ARL14EPL: variants seen among roughly 807,000 people sequenced by gnomAD.
The protein encoded by ARL14EPL is ARL14 effector protein-like.
Under a neutral mutation model 15.9 loss-of-function variants are expected in ARL14EPL, and 17 were observed. The observed-to-expected ratio is 1.07, with a 90% CI of 0.73 to 1.60. The LOEUF (loss-of-function observed/expected upper bound fraction) is 1.60. Ranked by LOEUF, ARL14EPL falls within the 40% of genes most tolerant of loss-of-function variation. The probability of loss-of-function intolerance (pLI) is 0.00; values close to 1 mark genes in which losing one functional copy is unlikely to be tolerated. For missense variants in ARL14EPL, 214 were observed against 185.9 expected, an observed-to-expected ratio of 1.15 and a Z score of -0.88; for synonymous variants, 78 against 63.8, an observed-to-expected ratio of 1.22 and a Z score of -1.06.
chr5:116,055,588 C>T (rs17138745), intron 3 of ARL14EPL, among the ~76,000 whole-genome samples: 1 of 151,946 alleles, frequency 6.6e-6, no homozygotes, highest in Admixed American at 6.5e-5. Context: ...GGGATACCTA[C>T]ATATGTGTCA....
chr5:116,045,776 GTGTGTA>G (rs778995485), intron 1 of ARL14EPL, among the ~76,000 whole-genome samples: 13,871 of 137,696 alleles, frequency 0.1, 648 homozygotes, highest in Non-Finnish European at 0.11. Context: ...GTGTGTGTGT[GTGTGTA>G]TGTGTACGAA....
chr5:116,051,170 CAGAG>C (rs1479621412), intron 1 of ARL14EPL: 15 of 261,406 alleles, frequency 5.7e-5, no homozygotes, highest in Non-Finnish European at 1.0e-4. Flanking sequence ...TCTAAAAACT[CAGAG>C]TCTTCTTAAT....
chr5:116,046,967 T>C (rs1749278863), intron 1 of ARL14EPL, among the ~76,000 whole-genome samples: 1 of 152,138 alleles, frequency 6.6e-6, no homozygotes, highest in Non-Finnish European at 1.5e-5. Flanking sequence ...TTTCTCTGTG[T>C]GCATACCAAG....
In ARL14EPL at chr5:116,041,975, T is replaced by G. The variant is rs575824792; in HGVS notation, c.-10+9470T>G. Among the ~76,000 whole-genome samples the G allele has an allele frequency of 4.7e-4, 72 of 152,232 alleles. No homozygotes were observed. The East Asian group carries it at 0.012, about 26-fold the overall frequency. ...TCCTGAGTAGCTGGGATTACAGGCA[T>G]GAGCCACTATGCTCGGCTAATTTTT... On this transcript the variant is annotated intron_variant, in intron 1 of 3. Coordinates refer to ENST00000686077, the MANE Select transcript of ARL14EPL (RefSeq NM_001195581.2).
At chr5:116,051,873 G>T in intron 2 of ARL14EPL, 1 of 1,255,664 alleles carries the variant, frequency 8.0e-7, no homozygotes, top group Non-Finnish European at 1.1e-6. Flanking sequence ...ATTTAATAAA[G>T]TTTTATTTTT....
chr5:116,034,887 T>C (rs1477131712), intron 1 of ARL14EPL, among the ~76,000 whole-genome samples: 1 of 152,216 alleles, frequency 6.6e-6, no homozygotes, highest in Non-Finnish European at 1.5e-5. Context: ...CCCCAAGTTA[T>C]AGCTCAGGAA....
chr5:116,049,719 A>C (rs10060276), intron 1 of ARL14EPL, among the ~76,000 whole-genome samples: 1 of 152,086 alleles, frequency 6.6e-6, no homozygotes, highest in Non-Finnish European at 1.5e-5. Flanking sequence ...AAGGACCATA[A>C]AAGAGAGATA....
intron 3 of ARL14EPL, among the ~76,000 whole-genome samples, chr5:116,057,801 T>C (rs1383899087): frequency 6.6e-6 from 1 of 152,154 alleles, no homozygotes; most frequent in Non-Finnish European, 1.5e-5. Flanking sequence ...TGTGCCTGCT[T>C]AGGGACAAAG....
intron 1 of ARL14EPL, among the ~76,000 whole-genome samples, chr5:116,038,175 A>G (rs771960558): frequency 2.0e-5 from 3 of 152,186 alleles, no homozygotes; most frequent in Non-Finnish European, 4.4e-5. Context: ...TGTGCCATTG[A>G]TCCTTTCTAT....
At chr5:116,042,869 A>C (rs529369407) in intron 1 of ARL14EPL, among the ~76,000 whole-genome samples, 1 of 152,276 alleles carries the variant, frequency 6.6e-6, no homozygotes, top group South Asian at 2.1e-4. Flanking sequence ...GTATCCTATA[A>C]ATACTCTTTG....
At chr5:116,043,995 C>T (rs1301370816) in intron 1 of ARL14EPL, among the ~76,000 whole-genome samples, 1 of 152,120 alleles carries the variant, frequency 6.6e-6, no homozygotes, top group East Asian at 1.9e-4. Context: ...TTTTTACAAG[C>T]TTTGCATTTT....
At position 116,052,674 on chromosome 5, in the gene ARL14EPL, GT is replaced by G. The variant is rs544636674; in HGVS notation, c.96+1116del. ...CTAATGCAGAACAGTTTAAGGTTAA[GT>G]TTATGAAACAACCATATACACCAAG... On this transcript the variant is annotated intron_variant, in intron 2 of 3. Coordinates refer to ENST00000686077, the MANE Select transcript of ARL14EPL (RefSeq NM_001195581.2). Among the ~76,000 whole-genome samples the G allele has an allele frequency of 5.2e-5, 4 of 76,648 alleles. No individual in the cohort carries two copies. The East Asian group carries it at 7.8e-4, about 15-fold the overall frequency. 50.3% of individuals were successfully genotyped at this position (76,648 alleles called of 152,430 possible). A position where few individuals can be genotyped will look rare whatever the true frequency, so the allele number is the denominator to read the frequency against.
At chr5:116,043,187 A>C (rs1353440868) in intron 1 of ARL14EPL, among the ~76,000 whole-genome samples, 1 of 151,222 alleles carries the variant, frequency 6.6e-6, no homozygotes, top group African/African-American at 2.4e-5. Context: ...TTTGGTGCAA[A>C]AGTAATTGCG....
chr5:116,039,487 G>T (rs1284653116), intron 1 of ARL14EPL, among the ~76,000 whole-genome samples: 1 of 152,134 alleles, frequency 6.6e-6, no homozygotes, highest in Non-Finnish European at 1.5e-5. Flanking sequence ...TGAAACAAGT[G>T]ATCAAATCAA....
intron 1 of ARL14EPL, among the ~76,000 whole-genome samples, chr5:116,050,280 T>C (rs1749344762): frequency 1.3e-5 from 2 of 152,214 alleles, no homozygotes; most frequent in African/African-American, 4.8e-5. Context: ...CCAGTGTCTA[T>C]TGTTGCCATC....
At chr5:116,054,206 TCTC>T in intron 3 of ARL14EPL, 53 bp downstream of exon 3, 1 of 1,453,966 alleles carries the variant, frequency 6.9e-7, no homozygotes, top group East Asian at 2.5e-5. Flanking sequence ...ATGCATGAAT[TCTC>T]CTTGACAAAG....
chr5:116,034,575 A>G (rs1218495016), intron 1 of ARL14EPL, among the ~76,000 whole-genome samples: 1 of 152,172 alleles, frequency 6.6e-6, no homozygotes, highest in Non-Finnish European at 1.5e-5. Flanking sequence ...TTTATAAATA[A>G]GTTCAGAGAG....
chr5:116,039,811 C>G (rs371318690), intron 1 of ARL14EPL, among the ~76,000 whole-genome samples: 2 of 152,204 alleles, frequency 1.3e-5, no homozygotes, highest in South Asian at 4.1e-4. Flanking sequence ...TCAATGATAA[C>G]ATGATGATAT....
At chr5:116,047,957 G>A (rs908403123) in intron 1 of ARL14EPL, among the ~76,000 whole-genome samples, 1 of 152,168 alleles carries the variant, frequency 6.6e-6, no homozygotes, top group South Asian at 2.1e-4. Flanking sequence ...TGCTTCTGAG[G>A]CTATTTCCGA....
Sources: gnomAD v4.1 joint callset for allele counts (sites outside exome capture counted in the v4.1 genomes callset) on GRCh38, gnomAD v4.1.1 for gene constraint, MANE v1.5 for transcripts, NCBI Gene and HGNC (gene_info 2026-07-23, HGNC 2026-07-21) for gene names.